KLHDC2: variants seen among roughly 807,000 people sequenced by gnomAD.
KLHDC2 encodes kelch domain-containing protein 2.
KLHDC2 carries 38 observed loss-of-function variants against 62.3 expected under a neutral mutation model. The observed-to-expected ratio is 0.61, with a 90% CI of 0.47 to 0.80. The LOEUF (loss-of-function observed/expected upper bound fraction) is 0.80, where lower values mean the gene tolerates loss of function less well. Among genes scored for constraint, KLHDC2 ranks in the 30% least tolerant of loss-of-function variants. KLHDC2 has a pLI of 0.00. For missense variants in KLHDC2, 430 were observed against 495.3 expected (o/e 0.87, Z 1.25); for synonymous variants, 159 against 161.0 (o/e 0.99, Z 0.09).
At chr14:49,780,993 T>C (rs982911146) in intron 10 of KLHDC2, among the ~76,000 whole-genome samples, 1 of 152,228 alleles carries the variant, frequency 6.6e-6, no homozygotes, top group Non-Finnish European at 1.5e-5. Context: ...TTTTTGCTTC[T>C]TCCTTCTGTT....
chr14:49,781,385 A>AAG (rs35304736), intron 10 of KLHDC2, among the ~76,000 whole-genome samples: 1,514 of 150,812 alleles, frequency 0.01, 24 homozygotes, highest in African/African-American at 0.034. Context: ...AAAAAAAAAA[A>AAG]GGGGGTAGAG....
At chr14:49,770,514 G>A (rs1055921452) in intron 1 of KLHDC2, among the ~76,000 whole-genome samples, 1 of 152,170 alleles carries the variant, frequency 6.6e-6, no homozygotes, top group Non-Finnish European at 1.5e-5. Context: ...TTGGCTAACC[G>A]CAGTCGTTTA....
rs780290298 is a variant in KLHDC2, at chr14:49,784,854, TAAC to T, written c.*1904_*1906del. The T allele has an allele frequency of 8.9e-6, 13 of 1,459,586 alleles. No individual in the cohort carries two copies. The South Asian group carries it at 1.2e-4, about 13-fold the overall frequency. The allele number at this position is 1,459,586 out of a possible 1,614,324, so 90.4% of individuals were successfully genotyped here. ...AATAAGACAGCATTTTCTACTAAAA[TAAC>T]AAAAAACTGCTAACATTTTAAATTG... On this transcript the variant is annotated 3_prime_UTR_variant, in exon 13 of 13. Coordinates refer to ENST00000298307, the MANE Select transcript of KLHDC2 (RefSeq NM_014315.3).
At chr14:49,780,462 A>G (rs919715000) in intron 9 of KLHDC2, 140 bp downstream of exon 9, 1 of 674,802 alleles carries the variant, frequency 1.5e-6, no homozygotes, top group African/African-American at 1.8e-5. Context: ...CCTGTAACAT[A>G]GCTGTAATTG....
rs1404982369 is a variant in KLHDC2, at chr14:49,785,521, T to A, written c.*2568T>A. 5.9e-6 allele frequency: 3 copies of A among 509,730 alleles called. No homozygotes were observed. The highest frequency in any genetic ancestry group is 1.1e-5 in the Non-Finnish European group (3 of 281,760). 31.6% of individuals were successfully genotyped at this position (509,730 alleles called of 1,614,324 possible). On this transcript the variant is annotated 3_prime_UTR_variant, in exon 13 of 13. Transcript: ENST00000298307. Reference sequence around the variant, plus strand: ...ATGTTTAAATATATTCTTTACTACTTAATTTTTGCCTAGCATAATAAGTAA... The same window carrying A: ...ATGTTTAAATATATTCTTTACTACTAAATTTTTGCCTAGCATAATAAGTAA...
rs372336535 is a variant in KLHDC2 at position 49,779,689 on chromosome 14, C to T, written c.714+14C>T. On this transcript the variant is annotated intron_variant, in intron 7 of 12. Coordinates refer to ENST00000298307, the MANE Select transcript of KLHDC2 (RefSeq NM_014315.3). ...GGCAGATATCGAGTAAGTATTCAAA[C>T]GACTTCAATGACTTGCTTTTGAATT... 111 of 1,612,130 alleles carry T rather than the reference C, an allele frequency of 6.9e-5. No individual in the cohort carries two copies. The highest frequency in any genetic ancestry group is 1.6e-4 in the Middle Eastern group (1 of 6,070).
At chr14:49,770,855 C>T (rs1889648401) in intron 1 of KLHDC2, among the ~76,000 whole-genome samples, 1 of 152,212 alleles carries the variant, frequency 6.6e-6, no homozygotes, top group Non-Finnish European at 1.5e-5. Flanking sequence ...TGCATATTTG[C>T]AGTTCTGCCC....
chr14:49,778,550 GTGGGGT>G, intron 6 of KLHDC2, 56 bp downstream of exon 6: 1 of 635,452 alleles, frequency 1.6e-6, no homozygotes, highest in Non-Finnish European at 2.8e-6. Context: ...GTGGGGAGGG[GTGGGGT>G]AGGGGAGAGG....
In KLHDC2 at chr14:49,782,572, G is replaced by C. The variant is rs1263241038; in HGVS notation, c.1075G>C (p.Val359Leu). Reference sequence around the variant, plus strand: ...CAGTAATGAAATACTAATATTTTCAGTTCAACCAAAATCTCTTGTACGGTA... The same window carrying C: ...CAGTAATGAAATACTAATATTTTCACTTCAACCAAAATCTCTTGTACGGTA... Reference protein sequence around the residue: ...AHSNEILIFSVQPKSLVRLSL... With the variant: ...AHSNEILIFSLQPKSLVRLSL... Residue 359 changes from valine (V) to leucine (L), a missense_variant, in exon 12 of 13, where the codon GTT (valine) becomes CTT (leucine). Transcript: ENST00000298307. 2 of 1,606,634 alleles carry C rather than the reference G, an allele frequency of 1.2e-6. No homozygotes were observed. The highest frequency in any genetic ancestry group is 1.7e-6 in the Non-Finnish European group (2 of 1,175,528).
rs1889858658 is a variant in KLHDC2, at chr14:49,780,150, A to G, written c.774-63A>G. ...AACATGTACATATAAATTTTAAAAG[A>G]AAACTTAAAAATACAGTAGCTGCTT... On this transcript the variant is annotated intron_variant, in intron 8 of 12. Transcript: ENST00000298307. The G allele has an allele frequency of 3.7e-6, 4 of 1,091,722 alleles. No individual in the cohort carries two copies. In the South Asian group the frequency reaches 5.3e-5, roughly 15 times the overall value. 67.6% of individuals were successfully genotyped at this position (1,091,722 alleles called of 1,614,324 possible). A position where few individuals can be genotyped will look rare whatever the true frequency, so the allele number is the denominator to read the frequency against.
chr14:49,782,314 A>G (rs1889942694), intron 10 of KLHDC2, 56 bp from the exon 11 acceptor site: 2 of 1,166,996 alleles, frequency 1.7e-6, no homozygotes, highest in Non-Finnish European at 2.5e-6. Context: ...TCTGTAGTAT[A>G]AAATGGCCAA....
At chr14:49,779,696 A>T in intron 7 of KLHDC2, 21 bp downstream of exon 7, 1 of 1,611,592 alleles carries the variant, frequency 6.2e-7, no homozygotes, top group East Asian at 2.2e-5. Flanking sequence ...AAACGACTTC[A>T]ATGACTTGCT....
intron 1 of KLHDC2, chr14:49,768,940 C>T (rs192750356): frequency 4.0e-4 from 120 of 303,730 alleles, no homozygotes; most frequent in African/African-American, 2.5e-3. Context: ...TTGGGCGGTG[C>T]ATTCGGAAGG....
In KLHDC2 at chr14:49,768,351, C is replaced by T. The variant is rs949226863; in HGVS notation, c.-118C>T. On this transcript the variant is annotated 5_prime_UTR_variant, in exon 1 of 13. Coordinates refer to ENST00000298307, the MANE Select transcript of KLHDC2 (RefSeq NM_014315.3). ...GGCGGCAGAGAGGCCTCAACGCCGT[C>T]CCTTTCGCCACCGCCTTTTCCTTGC... 1 of 1,185,044 alleles carries T rather than the reference C, an allele frequency of 8.4e-7. No individual in the cohort carries two copies. The highest frequency in any genetic ancestry group is 1.6e-5 in the African/African-American group (1 of 63,048). 73.4% of individuals were successfully genotyped at this position (1,185,044 alleles called of 1,614,324 possible).
At position 49,768,351 on chromosome 14, in the gene KLHDC2, C is replaced by G. The variant is rs949226863; in HGVS notation, c.-118C>G. ...GGCGGCAGAGAGGCCTCAACGCCGT[C>G]CCTTTCGCCACCGCCTTTTCCTTGC... is the stretch of plus-strand genomic sequence containing the variant. On this transcript the variant is annotated 5_prime_UTR_variant, in exon 1 of 13. Coordinates refer to ENST00000298307, the MANE Select transcript of KLHDC2 (RefSeq NM_014315.3). 8.4e-7 allele frequency: 1 copy of G among 1,185,162 alleles called. No individual in the cohort carries two copies. The highest frequency in any genetic ancestry group is 1.2e-6 in the Non-Finnish European group (1 of 852,918). 73.4% of individuals were successfully genotyped at this position (1,185,162 alleles called of 1,614,324 possible).
At position 49,782,488 on chromosome 14, in the gene KLHDC2, A is replaced by AACTT. The variant is rs771606148; in HGVS notation, c.1044+36_1044+39dup. The AACTT allele has an allele frequency of 6.3e-6, 10 of 1,597,266 alleles. No homozygotes were observed. In the Admixed American group the frequency reaches 8.5e-5, roughly 14 times the overall value. ...TATACTACCTTCACATTATTACTGA[A>AACTT]ACTTACTTGCAAAGCATTTGCTTTT... is the stretch of plus-strand genomic sequence containing the variant. On this transcript the variant is annotated intron_variant, in intron 11 of 12. Coordinates refer to ENST00000298307, the MANE Select transcript of KLHDC2 (RefSeq NM_014315.3).
At position 49,784,359 on chromosome 14, in the gene KLHDC2, T is replaced by C. The variant is rs1016419198; in HGVS notation, c.*1406T>C. On this transcript the variant is annotated 3_prime_UTR_variant, in exon 13 of 13. Coordinates refer to ENST00000298307, the MANE Select transcript of KLHDC2 (RefSeq NM_014315.3). The stretch of plus-strand genomic sequence containing the variant: ...ACATCATGAAATGAATACTTGGTAT[T>C]AACCTCCCAAATTTCAAGAAAATGT... 4 of 292,340 alleles carry C rather than the reference T, an allele frequency of 1.4e-5. No individual in the cohort carries two copies. Among genetic ancestry groups the C allele is most frequent in the Non-Finnish European group, 2.5e-5 (4 of 157,462 alleles). The allele number at this position is 292,340 out of a possible 1,614,324, so 18.1% of individuals were successfully genotyped here. A position where few individuals can be genotyped will look rare whatever the true frequency, so the allele number is the denominator to read the frequency against.
intron 2 of KLHDC2, among the ~76,000 whole-genome samples, chr14:49,773,591 T>A (rs1233998949): frequency 7.9e-5 from 6 of 75,608 alleles, no homozygotes; most frequent in East Asian, 4.4e-4. Flanking sequence ...TTTTTTTTTT[T>A]AATGAGAGGG....
At position 49,778,873 on chromosome 14, in the gene KLHDC2, G is replaced by A. The variant is rs557788588; in HGVS notation, c.633+379G>A. On this transcript the variant is annotated intron_variant, in intron 6 of 12. Transcript: ENST00000298307. ...TGAGTATCTGGGATTACAGATGCCCGCAACCACGCCCAGCTAATTTTTTTG... is the reference window on the plus strand; with the variant it reads ...TGAGTATCTGGGATTACAGATGCCCACAACCACGCCCAGCTAATTTTTTTG... 1.8e-3 allele frequency among the ~76,000 whole-genome samples: 276 copies of A among 151,920 alleles called. 2 individuals carry two copies. The highest frequency in any genetic ancestry group is 6.3e-3 in the African/African-American group (263 of 41,418).
Sources: allele counts gnomAD v4.1 joint callset (sites outside exome capture counted in the v4.1 genomes callset), GRCh38; gene constraint gnomAD v4.1.1; transcripts MANE v1.5; gene names NCBI Gene and HGNC (gene_info 2026-07-23, HGNC 2026-07-21).